KCNQ3: variants seen among roughly 807,000 people sequenced by gnomAD.
KCNQ3 encodes the protein potassium voltage-gated channel subfamily Q member 3.
Under a neutral mutation model 92.5 loss-of-function variants are expected in KCNQ3, and 30 were observed. The ratio of observed to expected loss-of-function variants is 0.32; its 90% confidence interval spans 0.24 to 0.44. The LOEUF is 0.44. Ranked by LOEUF, KCNQ3 falls within the 20% of genes least tolerant of loss-of-function variation. The probability of loss-of-function intolerance (pLI) is 1.00; values close to 1 mark genes in which losing one functional copy is unlikely to be tolerated. For missense variants in KCNQ3, 913 were observed against 1,140.3 expected (o/e 0.80, Z 2.87); for synonymous variants, 450 against 468.8 (o/e 0.96, Z 0.52).
chr8:132,173,353 A>G (rs956785726), intron 6 of KCNQ3, among the ~76,000 whole-genome samples: 1 of 152,240 alleles, frequency 6.6e-6, no homozygotes, highest in Admixed American at 6.5e-5. Context: ...GCTTAGGAAA[A>G]AAACCGACAA....
intron 1 of KCNQ3, among the ~76,000 whole-genome samples, chr8:132,367,158 T>C (rs1166388651): frequency 6.6e-6 from 1 of 152,222 alleles, no homozygotes; most frequent in Admixed American, 6.5e-5. Context: ...GCCTGAGCCC[T>C]TCTCCTCTCC....
chr8:132,279,022 T>C (rs1259504899), intron 1 of KCNQ3, among the ~76,000 whole-genome samples: 1 of 151,762 alleles, frequency 6.6e-6, no homozygotes, highest in East Asian at 1.9e-4. Context: ...TCAAGACCAG[T>C]CTGGCCAACA....
At position 132,228,969 on chromosome 8, in the gene KCNQ3, CTGGAGGCTGGGCA is replaced by C. The variant is rs796985253; in HGVS notation, c.387-42801_387-42789del. Among the ~76,000 whole-genome samples, 571 of 152,106 alleles carry C rather than the reference CTGGAGGCTGGGCA, an allele frequency of 3.8e-3. 7 individuals are homozygous for C. The highest frequency in any genetic ancestry group is 0.013 in the African/African-American group (553 of 41,512). On this transcript the variant is annotated intron_variant, in intron 1 of 14. Transcript: ENST00000388996. Reference sequence around the variant, plus strand: ...ACATTTGTGTATCATAAAAATCTTTCTGGAGGCTGGGCATGGTGGCTCACACCTGTAATCCCAG... The same window carrying C: ...ACATTTGTGTATCATAAAAATCTTTCTGGTGGCTCACACCTGTAATCCCAG...
intron 1 of KCNQ3, among the ~76,000 whole-genome samples, chr8:132,229,915 T>C (rs1006832871): frequency 6.6e-6 from 1 of 152,110 alleles, no homozygotes; most frequent in Non-Finnish European, 1.5e-5. Flanking sequence ...CTGGCAAATA[T>C]ATCAACTCAC....
intron 1 of KCNQ3, among the ~76,000 whole-genome samples, chr8:132,366,006 G>A (rs1335437495): frequency 6.6e-6 from 1 of 152,084 alleles, no homozygotes; most frequent in South Asian, 2.1e-4. Context: ...ACTCCAGCCC[G>A]GTTGACAGAG....
chr8:132,480,496 C>A lies in KCNQ3; in HGVS notation c.37G>T (p.Gly13Cys). 8.6e-7 allele frequency: 1 copy of A among 1,162,130 alleles called. No individual in the cohort carries two copies. Among genetic ancestry groups the A allele is most frequent in the South Asian group, 4.0e-5 (1 of 25,016 alleles). The allele number at this position is 1,162,130 out of a possible 1,614,324, so 72.0% of individuals were successfully genotyped here. Residue 13 changes from glycine to cysteine, a missense_variant, in exon 1 of 15, where the codon GGC becomes TGC. Around this residue, in one of 6 missense-constraint regions of KCNQ3, gnomAD observed 183 missense variants for 167.7 expected, o/e 1.09. Coordinates refer to ENST00000388996, the MANE Select transcript of KCNQ3 (RefSeq NM_004519.4). ...CCGCCGCCCCCGTCGCCGCCGCCGC[C>A]AGCCGCCCCCGCCGCCCTGCGCGCC... ...LKARRAAGAA[G>C]GGGDGGGGGG... is the part of the protein sequence containing the mutation.
chr8:132,338,474 GAT>G (rs1818428278), intron 1 of KCNQ3, among the ~76,000 whole-genome samples: 2 of 152,190 alleles, frequency 1.3e-5, no homozygotes, highest in Non-Finnish European at 1.5e-5. Flanking sequence ...AGGGTCACAG[GAT>G]AAGTAATTAT....
Position 132,480,527 on chromosome 8 carries a change from C to A in KCNQ3, c.6G>T (p.Gly2=). Residue 2 remains glycine (G), a synonymous_variant, in exon 1 of 15, where the codon GGG becomes GGT. Coordinates refer to ENST00000388996, the MANE Select transcript of KCNQ3 (RefSeq NM_004519.4). M[G]LKARRAAGAA... ...CCCCCGCCGCCCTGCGCGCCTTGAG[C>A]CCCATCTGCCTCGCCCCCGCCGGCC... The A allele has an allele frequency of 2.4e-6, 3 of 1,238,074 alleles. No homozygotes were observed. The highest frequency in any genetic ancestry group is 2.1e-6 in the Non-Finnish European group (2 of 972,064). 76.7% of individuals were successfully genotyped at this position (1,238,074 alleles called of 1,614,324 possible).
intron 1 of KCNQ3, among the ~76,000 whole-genome samples, chr8:132,436,508 T>C (rs540123700): frequency 1.3e-5 from 2 of 152,346 alleles, no homozygotes; most frequent in South Asian, 4.1e-4. Flanking sequence ...AATGATACCA[T>C]ACCTTACCTT....
At chr8:132,435,927 C>T (rs1821383096) in intron 1 of KCNQ3, among the ~76,000 whole-genome samples, 1 of 152,172 alleles carries the variant, frequency 6.6e-6, no homozygotes, top group Non-Finnish European at 1.5e-5. Flanking sequence ...ATTGCCCCGC[C>T]AGCTTCCACG....
chr8:132,186,962 G>GAC (rs1294919025), intron 1 of KCNQ3, among the ~76,000 whole-genome samples: 3 of 137,636 alleles, frequency 2.2e-5, no homozygotes, highest in African/African-American at 5.6e-5. Flanking sequence ...GAGACAGAGA[G>GAC]AGAGAGAGAG....
intron 1 of KCNQ3, among the ~76,000 whole-genome samples, chr8:132,299,014 G>C (rs1339475654): frequency 1.3e-5 from 2 of 151,958 alleles, no homozygotes; most frequent in Non-Finnish European, 2.9e-5. Flanking sequence ...GAGTTTAACA[G>C]GGTCTAGAGT....
chr8:132,402,160 G>A (rs552469944), intron 1 of KCNQ3, among the ~76,000 whole-genome samples: 21 of 152,278 alleles, frequency 1.4e-4, no homozygotes, highest in African/African-American at 3.9e-4. Flanking sequence ...GAGCGTGTCC[G>A]TGTGTGGGCA....
intron 1 of KCNQ3, among the ~76,000 whole-genome samples, chr8:132,445,486 G>A (rs954463133): frequency 4.2e-5 from 6 of 143,612 alleles, no homozygotes; most frequent in African/African-American, 1.5e-4. Flanking sequence ...ATTTTTAAGG[G>A]AAATCAAGTG....
At chr8:132,157,979 G>A (rs1423808598) in intron 9 of KCNQ3, among the ~76,000 whole-genome samples, 1 of 152,028 alleles carries the variant, frequency 6.6e-6, no homozygotes, top group Admixed American at 6.6e-5. Context: ...TTTCTTAATT[G>A]GTTCATAATT....
chr8:132,217,710 CAAAAAAA>C (rs1170925572), intron 1 of KCNQ3, among the ~76,000 whole-genome samples: 3 of 66,410 alleles, frequency 4.5e-5, no homozygotes, highest in African/African-American at 1.8e-4. Flanking sequence ...GGCTCTGTCT[CAAAAAAA>C]AAAAAAAAAA....
chr8:132,184,217 G>C, intron 3 of KCNQ3, 24 bp downstream of exon 3: 1 of 1,613,966 alleles, frequency 6.2e-7, no homozygotes, highest in Non-Finnish European at 8.5e-7. Flanking sequence ...TGAGGAGGCT[G>C]GGAGGCTCAG....
At chr8:132,286,808 T>C (rs192698805) in intron 1 of KCNQ3, among the ~76,000 whole-genome samples, 1 of 152,248 alleles carries the variant, frequency 6.6e-6, no homozygotes, top group Non-Finnish European at 1.5e-5. Context: ...GATGAATTAA[T>C]GGCTTTTTCA....
chr8:132,149,353 T>C (rs1563773267), intron 9 of KCNQ3, among the ~76,000 whole-genome samples: 1 of 152,236 alleles, frequency 6.6e-6, no homozygotes. Flanking sequence ...GGCCTGTTAA[T>C]AGGAACCCTT....
Sources: allele counts gnomAD v4.1 joint callset (sites outside exome capture counted in the v4.1 genomes callset), GRCh38; gene constraint gnomAD v4.1.1; regional missense constraint gnomAD v4.1.1; transcripts MANE v1.5; gene names NCBI Gene and HGNC (gene_info 2026-07-23, HGNC 2026-07-21).